Variants in CFAP58 observed in about 807,000 individuals in gnomAD.
CFAP58 encodes cilia- and flagella-associated protein 58.
In CFAP58, 88 loss-of-function variants were observed where a neutral mutation model predicts 119.5. The ratio of observed to expected loss-of-function variants is 0.74; its 90% CI spans 0.62 to 0.88. The LOEUF (loss-of-function observed/expected upper bound fraction) is 0.88. CFAP58 is among the 40% of genes least tolerant of loss of function. The probability of loss-of-function intolerance (pLI) is 0.00; values close to 1 mark genes in which losing one functional copy is unlikely to be tolerated. For missense variants in CFAP58, 990 were observed against 1,021.2 expected, an observed-to-expected ratio of 0.97 and a Z score of 0.42; for synonymous variants, 365 against 366.3, an observed-to-expected ratio of 1.00 and a Z score of 0.04.
intron 5 of CFAP58, among the ~76,000 whole-genome samples, chr10:104,367,374 T>G (rs1564880677): frequency 1.3e-5 from 2 of 152,244 alleles, no homozygotes; most frequent in Non-Finnish European, 2.9e-5. Flanking sequence ...AGGAAGCTTG[T>G]TTCCAAAGAA....
chr10:104,396,210 C>G (rs1378015468), intron 11 of CFAP58, among the ~76,000 whole-genome samples: 1 of 152,164 alleles, frequency 6.6e-6, no homozygotes, highest in Non-Finnish European at 1.5e-5. Flanking sequence ...TTCCAATCAT[C>G]CTACATGTAT....
intron 9 of CFAP58, among the ~76,000 whole-genome samples, chr10:104,389,443 A>G (rs2011990050): frequency 6.6e-6 from 1 of 151,918 alleles, no homozygotes; most frequent in African/African-American, 2.4e-5. Context: ...TTCCTGTTCT[A>G]ACATCTCTGA....
chr10:104,386,544 T>C (rs2133022622), intron 9 of CFAP58, among the ~76,000 whole-genome samples: 1 of 152,264 alleles, frequency 6.6e-6, no homozygotes. Flanking sequence ...TTAAAAGTGA[T>C]CTCTAATTCC....
At chr10:104,353,658 T>A, upstream of CFAP58, 1 of 522,302 alleles carries the variant, frequency 1.9e-6, no homozygotes, top group Non-Finnish European at 3.5e-6. Context: ...TATTTGCATA[T>A]TTCTCTGAGG....
chr10:104,376,108 AG>A (rs2011653498), intron 7 of CFAP58, among the ~76,000 whole-genome samples: 1 of 152,220 alleles, frequency 6.6e-6, no homozygotes, highest in African/African-American at 2.4e-5. Context: ...GAGACTTCGC[AG>A]GGCAATTTCA....
chr10:104,422,850 A>T (rs1163082054), intron 15 of CFAP58, among the ~76,000 whole-genome samples: 1 of 152,198 alleles, frequency 6.6e-6, no homozygotes, highest in African/African-American at 2.4e-5. Flanking sequence ...GTGGGAGAGG[A>T]CTATCTAGGG....
Position 104,433,266 on chromosome 10 carries a change from G to A in CFAP58, c.2257-14432G>A, listed in dbSNP as rs117830204. Reference sequence around the variant, plus strand: ...GTGCCACAGCATGTGCCTAATTTTTGAATTTTTTGTAGAATCTTGCTATGT... The same window carrying A: ...GTGCCACAGCATGTGCCTAATTTTTAAATTTTTTGTAGAATCTTGCTATGT... On this transcript the variant is annotated intron_variant, in intron 15 of 17. Coordinates refer to ENST00000369704, the MANE Select transcript of CFAP58 (RefSeq NM_001008723.2). Among the ~76,000 whole-genome samples, 1,502 of 152,188 alleles carry A rather than the reference G, an allele frequency of 9.9e-3. 78 individuals carry two copies. Among genetic ancestry groups the A allele is most frequent in the Admixed American group, 0.08 (1,229 of 15,280 alleles).
In CFAP58 at chr10:104,357,975, G is replaced by A. The variant is rs866060555; in HGVS notation, c.10-366G>A. The stretch of plus-strand genomic sequence containing the variant: ...TATATACACATATATGTACACATAT[G>A]TACATATGTACACATATATGTACAC... On this transcript the variant is annotated intron_variant, in intron 1 of 17. Coordinates refer to ENST00000369704, the MANE Select transcript of CFAP58 (RefSeq NM_001008723.2). 1.9e-3 allele frequency among the ~76,000 whole-genome samples: 235 copies of A among 124,216 alleles called. 4 individuals are homozygous for A. The East Asian group carries it at 0.031, about 16-fold the overall frequency. 81.5% of individuals were successfully genotyped at this position (124,216 alleles called of 152,430 possible). A position where few individuals can be genotyped will look rare whatever the true frequency, so the allele number is the denominator to read the frequency against.
intron 15 of CFAP58, among the ~76,000 whole-genome samples, chr10:104,414,731 G>A (rs1406561138): frequency 1.3e-5 from 2 of 152,010 alleles, no homozygotes; most frequent in Non-Finnish European, 2.9e-5. Flanking sequence ...GTGCAGTGGC[G>A]CAATCTCGGC....
intron 4 of CFAP58, among the ~76,000 whole-genome samples, chr10:104,365,253 T>C (rs2135254502): frequency 6.6e-6 from 1 of 152,268 alleles, no homozygotes; most frequent in African/African-American, 2.4e-5. Context: ...AGAAAGCCAT[T>C]TAGCAGACTT....
At chr10:104,402,653 A>G (rs1454379431) in intron 13 of CFAP58, among the ~76,000 whole-genome samples, 1 of 152,176 alleles carries the variant, frequency 6.6e-6, no homozygotes, top group Non-Finnish European at 1.5e-5. Context: ...TGAAGATTTT[A>G]GCGGTGTGTT....
At chr10:104,433,810 G>T (rs2012888436) in intron 15 of CFAP58, among the ~76,000 whole-genome samples, 1 of 152,166 alleles carries the variant, frequency 6.6e-6, no homozygotes, top group Non-Finnish European at 1.5e-5. Context: ...GCGAGATTTT[G>T]CTGAGTGGGC....
Position 104,447,575 on chromosome 10 carries a change from G to A in CFAP58, c.2257-123G>A, listed in dbSNP as rs1278507987. On this transcript the variant is annotated intron_variant, in intron 15 of 17. Transcript: ENST00000369704. The stretch of plus-strand genomic sequence containing the variant: ...ACTGAATGAATCTGTGAGTGAATGT[G>A]ATCACTGTGGAGCTGTGAAGTAGCT... The A allele has an allele frequency of 2.6e-6, 3 of 1,142,180 alleles. No homozygotes were observed. In the East Asian group the frequency reaches 7.3e-5, roughly 28 times the overall value. The allele number at this position is 1,142,180 out of a possible 1,614,324, so 70.8% of individuals were successfully genotyped here.
chr10:104,362,077 G>A lies in CFAP58; in HGVS notation c.346G>A (p.Ala116Thr), dbSNP rs2014674368. 1.9e-6 allele frequency: 3 copies of A among 1,614,106 alleles called. No individual in the cohort carries two copies. Among genetic ancestry groups the A allele is most frequent in the South Asian group, 2.2e-5 (2 of 91,086 alleles). Residue 116 changes from alanine to threonine, a missense_variant, in exon 3 of 18, where the codon GCC (alanine) becomes ACC (threonine). Ala to Thr is a moderately conservative substitution (Grantham distance 58). Coordinates refer to ENST00000369704, the MANE Select transcript of CFAP58 (RefSeq NM_001008723.2). ...CTCAGCCTATGACAAAGAGCAGAAG[G>A]CCAAGGAGACGATTCTTGCTCTGAA... ...VDSAYDKEQKAKETILALKEE... is the reference protein window; with the variant it reads ...VDSAYDKEQKTKETILALKEE...
chr10:104,375,793 G>A (rs1366924596), intron 7 of CFAP58, among the ~76,000 whole-genome samples: 1 of 151,184 alleles, frequency 6.6e-6, no homozygotes, highest in East Asian at 1.9e-4. Flanking sequence ...TGGGGTCGGG[G>A]GGGGCTTCCA....
At chr10:104,375,713 A>G (rs571350766) in intron 7 of CFAP58, among the ~76,000 whole-genome samples, 1 of 152,122 alleles carries the variant, frequency 6.6e-6, no homozygotes, top group South Asian at 2.1e-4. Context: ...GGCATGAGAC[A>G]TCAATCGAAT....
intron 15 of CFAP58, among the ~76,000 whole-genome samples, chr10:104,436,487 C>T (rs1381660655): frequency 6.6e-6 from 1 of 152,072 alleles, no homozygotes; most frequent in Non-Finnish European, 1.5e-5. Context: ...TCTGGGGAGG[C>T]CTCAGCGAGC....
intron 15 of CFAP58, among the ~76,000 whole-genome samples, chr10:104,432,420 T>A (rs2012863403): frequency 6.6e-6 from 1 of 152,082 alleles, no homozygotes; most frequent in Admixed American, 6.5e-5. Flanking sequence ...ATTAAAAGAA[T>A]AATTATCTTT....
At chr10:104,409,331 CTGAT>C (rs1482169870) in intron 15 of CFAP58, among the ~76,000 whole-genome samples, 1 of 152,094 alleles carries the variant, frequency 6.6e-6, no homozygotes, top group African/African-American at 2.4e-5. Context: ...CTTTTACTTA[CTGAT>C]TGGTCACTTT....
Sources: allele counts gnomAD v4.1 joint callset (sites outside exome capture counted in the v4.1 genomes callset), GRCh38; gene constraint gnomAD v4.1.1; transcripts MANE v1.5; gene names NCBI Gene and HGNC (gene_info 2026-07-23, HGNC 2026-07-21).